The following POU6F2 variants were observed in gnomAD, a reference collection of about 807,000 sequenced individuals.
POU6F2 encodes POU domain, class 6, transcription factor 2.
A neutral mutation model predicts 71.3 loss-of-function variants in POU6F2; 31 were observed. The observed-to-expected ratio is 0.43, with a 90% confidence interval of 0.33 to 0.59. POU6F2 has a LOEUF of 0.59. Among genes scored for constraint, POU6F2 ranks in the 20% least tolerant of loss-of-function variants. The probability of loss-of-function intolerance (pLI) is 0.04; values close to 1 mark genes in which losing one functional copy is unlikely to be tolerated. For missense variants in POU6F2, 783 were observed against 856.8 expected, an observed-to-expected ratio of 0.91 and a Z score of 1.07; for synonymous variants, 347 against 355.7, an observed-to-expected ratio of 0.98 and a Z score of 0.27.
chr7:38,981,249 A>T (rs1375215303), intron 1 of POU6F2, among the ~76,000 whole-genome samples: 1 of 152,010 alleles, frequency 6.6e-6, no homozygotes, highest in African/African-American at 2.4e-5. Flanking sequence ...TCCATCTCTT[A>T]TGGCCATGTT....
intron 4 of POU6F2, among the ~76,000 whole-genome samples, chr7:39,305,976 C>T (rs1785040148): frequency 6.8e-6 from 1 of 148,042 alleles, no homozygotes; most frequent in Non-Finnish European, 1.5e-5. Context: ...TCCAGAATAG[C>T]CCTTCTTACA....
At chr7:39,121,157 CT>C (rs1254293968) in intron 2 of POU6F2, among the ~76,000 whole-genome samples, 1 of 152,128 alleles carries the variant, frequency 6.6e-6, no homozygotes, top group African/African-American at 2.4e-5. Context: ...ACAAAAATGT[CT>C]GTTAAGACCA....
intron 5 of POU6F2, among the ~76,000 whole-genome samples, chr7:39,367,624 T>C (rs1342842107): frequency 6.6e-6 from 1 of 152,234 alleles, no homozygotes; most frequent in African/African-American, 2.4e-5. Flanking sequence ...TATATGGTAC[T>C]GTCACAAACA....
At position 39,411,128 on chromosome 7, in the gene POU6F2, T is replaced by C. The variant is rs1787540505; in HGVS notation, c.1113+4388T>C. On this transcript the variant is annotated intron_variant, in intron 6 of 9. Coordinates refer to ENST00000518318, the MANE Select transcript of POU6F2 (RefSeq NM_001370959.1). ...TGAAGTCTGTGTATGTGTGAGGAGT[T>C]TGAGAATGTGAAAATCTTAGTAGTA... 2.0e-5 allele frequency among the ~76,000 whole-genome samples: 3 copies of C among 152,304 alleles called. No homozygotes were observed. The South Asian group carries it at 6.2e-4, about 32-fold the overall frequency.
intron 2 of POU6F2, among the ~76,000 whole-genome samples, chr7:39,180,952 G>A (rs1006463977): frequency 1.1e-4 from 17 of 152,074 alleles, no homozygotes; most frequent in African/African-American, 4.1e-4. Context: ...TAACGTCTAA[G>A]TCCTACCCCA....
intron 1 of POU6F2, among the ~76,000 whole-genome samples, chr7:39,044,685 A>AAAAATTTTAGCC: frequency 6.6e-6 from 1 of 152,026 alleles, no homozygotes; most frequent in African/African-American, 2.4e-5. Flanking sequence ...TTAGCACAGG[A>AAAAATTTTAGCC]TGTCGTTTCT....
chr7:39,011,827 T>C (rs1364096803), intron 1 of POU6F2, among the ~76,000 whole-genome samples: 6 of 149,314 alleles, frequency 4.0e-5, no homozygotes, highest in African/African-American at 1.5e-4. Flanking sequence ...AAAATTCTTT[T>C]CTTTAAGAAT....
chr7:39,037,798 G>A (rs914720727), intron 1 of POU6F2, among the ~76,000 whole-genome samples: 5 of 151,898 alleles, frequency 3.3e-5, no homozygotes, highest in East Asian at 3.9e-4. Context: ...TTGTGCCATC[G>A]GCCTGATTGT....
intron 2 of POU6F2, among the ~76,000 whole-genome samples, chr7:39,131,321 T>G (rs1343543868): frequency 6.6e-6 from 1 of 152,204 alleles, no homozygotes. Context: ...TTTCCGATTT[T>G]TTACATTACC....
At chr7:39,279,744 A>G (rs1012999116) in intron 4 of POU6F2, among the ~76,000 whole-genome samples, 2 of 151,304 alleles carry the variant, frequency 1.3e-5, no homozygotes, top group Non-Finnish European at 2.9e-5. Context: ...CTTTTATTTT[A>G]TTTATTTATT....
At chr7:39,033,772 G>T (rs6974522) in intron 1 of POU6F2, among the ~76,000 whole-genome samples, 1 of 152,002 alleles carries the variant, frequency 6.6e-6, no homozygotes, top group Admixed American at 6.6e-5. Flanking sequence ...GCACCAGGCA[G>T]TAACAATCTT....
chr7:39,291,944 AC>A (rs1250759195), intron 4 of POU6F2, among the ~76,000 whole-genome samples: 5 of 137,892 alleles, frequency 3.6e-5, no homozygotes, highest in African/African-American at 5.5e-5. Context: ...TATTCCCTTT[AC>A]CTTTTTTTTT....
intron 4 of POU6F2, among the ~76,000 whole-genome samples, chr7:39,212,438 C>A (rs1041706876): frequency 6.6e-6 from 1 of 152,178 alleles, no homozygotes; most frequent in Non-Finnish European, 1.5e-5. Flanking sequence ...ATGCTCTACT[C>A]AGAGCATTCA....
In POU6F2 at chr7:39,452,650, C is replaced by T. The variant is rs772594121; in HGVS notation, c.1489+949C>T. Among the ~76,000 whole-genome samples, 21 of 152,282 alleles carry T rather than the reference C, an allele frequency of 1.4e-4. 1 individual carries two copies. Among genetic ancestry groups the T allele is most frequent in the Non-Finnish European group, 1.2e-4 (8 of 68,026 alleles). ...ATTCTTAAAACAAAATGGATGGTTG[C>T]CATGACCTCCCCGACAAGTAATCCT... On this transcript the variant is annotated intron_variant, in intron 8 of 9. Transcript: ENST00000518318.
chr7:39,126,803 C>A (rs1792147330), intron 2 of POU6F2, among the ~76,000 whole-genome samples: 1 of 152,100 alleles, frequency 6.6e-6, no homozygotes, highest in African/African-American at 2.4e-5. Context: ...ATTTACAATC[C>A]ATACCAACAC....
At chr7:39,166,152 A>G (rs150132036) in intron 2 of POU6F2, among the ~76,000 whole-genome samples, 195 of 152,348 alleles carry the variant, frequency 1.3e-3, no homozygotes, top group African/African-American at 4.5e-3. Context: ...TATTTCACCA[A>G]TAGTGGTTGA....
chr7:39,204,307 C>T lies in POU6F2; in HGVS notation c.350C>T (p.Pro117Leu), dbSNP rs201880507. 2.5e-6 allele frequency: 4 copies of T among 1,613,584 alleles called. No homozygotes were observed. The highest frequency in any genetic ancestry group is 2.7e-5 in the African/African-American group (2 of 74,912). The change falls in exon 3 of 10, where the codon CCA becomes CTA. Residue 117 changes from proline to leucine, a missense_variant. Physicochemically the swap from Pro to Leu is moderately conservative, Grantham distance 98. Transcript: ENST00000518318. ...CACCAGGCCAGTCAGACCCACCCCC[C>T]ATTTCCAGTTGGGCCACAGGTCAGT... is the stretch of plus-strand genomic sequence containing the variant. ...DQHQASQTHP[P>L]FPVGPQPLLT...
chr7:39,136,479 G>A (rs976955579), intron 2 of POU6F2, among the ~76,000 whole-genome samples: 13 of 152,180 alleles, frequency 8.5e-5, no homozygotes, highest in African/African-American at 2.9e-4. Context: ...ATGCACCAAC[G>A]TCCTGGGGTA....
chr7:39,153,021 A>G lies in POU6F2; in HGVS notation c.278-51214A>G, dbSNP rs1792792690. Among the ~76,000 whole-genome samples the G allele has an allele frequency of 2.0e-5, 3 of 152,170 alleles. No homozygotes were observed. The East Asian group carries it at 5.8e-4, about 29-fold the overall frequency. On this transcript the variant is annotated intron_variant, in intron 2 of 9. Coordinates refer to ENST00000518318, the MANE Select transcript of POU6F2 (RefSeq NM_001370959.1). ...CACAGAGTTATGCTCGCTTACGCTT[A>G]CTCAAGTGAGGTCTCTTGGGAAAGA...
Sources: gnomAD v4.1 joint callset for allele counts (sites outside exome capture counted in the v4.1 genomes callset) on GRCh38, gnomAD v4.1.1 for gene constraint, MANE v1.5 for transcripts, NCBI Gene and HGNC (gene_info 2026-07-23, HGNC 2026-07-21) for gene names.